Variants in FAM120AOS observed in about 807,000 individuals in gnomAD.
The protein encoded by FAM120AOS is uncharacterized protein FAM120AOS.
In FAM120AOS, 15 loss-of-function variants were observed where a neutral mutation model predicts 20.2. That is an observed-to-expected ratio of 0.74 (90% CI 0.50 to 1.15). FAM120AOS has a LOEUF of 1.15. Among genes scored for constraint, FAM120AOS ranks in the 50% most tolerant of loss-of-function variants. The pLI is 0.00. For missense variants in FAM120AOS, 327 were observed against 351.9 expected (o/e 0.93, Z 0.57); for synonymous variants, 154 against 154.0 (o/e 1.00, Z 0.00).
Position 93,447,322 on chromosome 9 carries a change from G to A in FAM120AOS, c.*289C>T. The A allele has an allele frequency of 6.4e-6, 2 of 311,282 alleles. No individual in the cohort carries two copies. Among genetic ancestry groups the A allele is most frequent in the East Asian group, 5.6e-5 (1 of 17,960 alleles). 19.3% of individuals were successfully genotyped at this position (311,282 alleles called of 1,614,324 possible). Reference sequence around the variant, plus strand: ...TTCATCTCCATATCCCCAGTAGCTGGCCAATGCCCAGTATACACCAGGGGC... The same window carrying A: ...TTCATCTCCATATCCCCAGTAGCTGACCAATGCCCAGTATACACCAGGGGC... On this transcript the variant is annotated 3_prime_UTR_variant, in exon 3 of 3. Coordinates refer to ENST00000375412, the MANE Select transcript of FAM120AOS (RefSeq NM_198841.4).
intron 1 of FAM120AOS, chr9:93,450,913 G>A (rs746228514): frequency 3.4e-5 from 37 of 1,104,182 alleles, no homozygotes; most frequent in Admixed American, 2.0e-5. Context: ...ATTGCGCAGT[G>A]GTAACGCAGG....
chr9:93,444,685 G>A lies in FAM120AOS; in HGVS notation c.*2926C>T, dbSNP rs1856791391. On this transcript the variant is annotated 3_prime_UTR_variant, in exon 3 of 3. Transcript: ENST00000375412. ...GCTGGAGTGCAATGGTGCGATCTCG[G>A]CTCACCGCAACCTCCGCCTCCCAGG... Among the ~76,000 whole-genome samples, 1 of 151,708 alleles carries A rather than the reference G, an allele frequency of 6.6e-6. No individual in the cohort carries two copies. The highest frequency in any genetic ancestry group is 1.5e-5 in the Non-Finnish European group (1 of 67,902).
rs1305401405 is a variant in FAM120AOS, at chr9:93,446,144, G to A, written c.*1467C>T. ...GTAACTTTCTTCCTGCCTTCCAGAG[G>A]CACTTTCATTCTTCCTGGAGCTCTC... On this transcript the variant is annotated 3_prime_UTR_variant, in exon 3 of 3. Coordinates refer to ENST00000375412, the MANE Select transcript of FAM120AOS (RefSeq NM_198841.4). 6.6e-6 allele frequency among the ~76,000 whole-genome samples: 1 copy of A among 152,144 alleles called. No homozygotes were observed. Among genetic ancestry groups the A allele is most frequent in the Non-Finnish European group, 1.5e-5 (1 of 68,030 alleles).
At chr9:93,451,602 C>T (rs1439187627) in intron 1 of FAM120AOS, 6 of 982,922 alleles carry the variant, frequency 6.1e-6, no homozygotes, top group Non-Finnish European at 6.0e-6. Flanking sequence ...AGCCGGCGGG[C>T]CTGGGCGGCG....
In FAM120AOS at chr9:93,452,530, C is replaced by T; in HGVS notation, c.180G>A (p.Pro60=). 6.4e-7 allele frequency: 1 copy of T among 1,560,466 alleles called. No homozygotes were observed. The highest frequency in any genetic ancestry group is 1.1e-5 in the South Asian group (1 of 88,202). ...HPRPSILQPG[P]ARLSRARAGG... The stretch of plus-strand genomic sequence containing the variant: ...CAGCCCTTGCCCGGGATAGCCTGGC[C>T]GGGCCGGGCTGCAAGATGGATGGCC... Residue 60 remains proline (P), a synonymous_variant, in exon 1 of 3, where the codon CCG becomes CCA. Coordinates refer to ENST00000375412, the MANE Select transcript of FAM120AOS (RefSeq NM_198841.4). This position sits in a 1 kb window ranked among gnomAD's most constrained non-coding sequence, Gnocchi z 7.0.
chr9:93,450,206 C>A (rs1436752720), intron 2 of FAM120AOS, among the ~76,000 whole-genome samples: 1 of 151,858 alleles, frequency 6.6e-6, no homozygotes, highest in Non-Finnish European at 1.5e-5. Context: ...CCAGGCTGGT[C>A]TCGAACTCCT....
rs1054435559 is a variant in FAM120AOS at position 93,452,926 on chromosome 9, G to A, written c.-217C>T. 1.4e-6 allele frequency: 2 copies of A among 1,421,822 alleles called. No homozygotes were observed. Among genetic ancestry groups the A allele is most frequent in the African/African-American group, 1.4e-5 (1 of 69,202 alleles). 88.1% of individuals were successfully genotyped at this position (1,421,822 alleles called of 1,614,324 possible). The stretch of plus-strand genomic sequence containing the variant: ...TGTTAGCCCGGTGACAGCGAGACGT[G>A]TCTAAGGGCCAGTGCCCTGGCCTCT... On this transcript the variant is annotated 5_prime_UTR_variant, in exon 1 of 3. Coordinates refer to ENST00000375412, the MANE Select transcript of FAM120AOS (RefSeq NM_198841.4). This position sits in a 1 kb window ranked among gnomAD's most constrained non-coding sequence, Gnocchi z 7.0.
chr9:93,450,519 T>A lies in FAM120AOS; in HGVS notation c.644A>T (p.His215Leu). 13 of 1,599,948 alleles carry A rather than the reference T, an allele frequency of 8.1e-6. No individual in the cohort carries two copies. Among genetic ancestry groups the A allele is most frequent in the Non-Finnish European group, 1.0e-5 (12 of 1,173,782 alleles). Residue 215 changes from histidine to leucine, a missense_variant, in exon 2 of 3, where the codon CAC becomes CTC. Transcript: ENST00000375412. ...LLPSTWSLHA[H>L]GLAKEAPILP... is the part of the protein sequence containing the mutation. ...TATGGGGGCTTCTTTGGCCAAACCG[T>A]GCGCGTGCAGGCTCCATGTGCTGGG...
chr9:93,450,401 CATTTA>C, intron 2 of FAM120AOS, 73 bp downstream of exon 2: 1 of 1,494,314 alleles, frequency 6.7e-7, no homozygotes, highest in Non-Finnish European at 8.9e-7. Context: ...ATACCAGCAG[CATTTA>C]ATTTATGTAC....
intron 1 of FAM120AOS, chr9:93,451,665 C>CCCTCAG: frequency 9.2e-6 from 9 of 981,898 alleles, no homozygotes; most frequent in African/African-American, 1.8e-5. Context: ...CCCGCCCCGG[C>CCCTCAG]CCTCAGCCTC....
intron 2 of FAM120AOS, chr9:93,448,454 T>C (rs767541287): frequency 7.9e-5 from 18 of 226,686 alleles, no homozygotes; most frequent in Non-Finnish European, 5.6e-5. Context: ...GAACACATCA[T>C]TGTACTCCAG....
At chr9:93,451,192 C>G in intron 1 of FAM120AOS, 1 of 1,548,866 alleles carries the variant, frequency 6.5e-7, no homozygotes, top group Admixed American at 2.0e-5. Context: ...GTGTGGGCAG[C>G]AGGCCCAGAG....
At position 93,444,413 on chromosome 9, in the gene FAM120AOS, C is replaced by T. The variant is rs1203538082; in HGVS notation, c.*3198G>A. Among the ~76,000 whole-genome samples the T allele has an allele frequency of 1.3e-5, 2 of 152,174 alleles. No individual in the cohort carries two copies. The highest frequency in any genetic ancestry group is 2.9e-5 in the Non-Finnish European group (2 of 68,032). ...AAGGAAAAAAGCAAGGGATTATAGC[C>T]ACACTTTCTAGCTTGCCGGGCCCCC... On this transcript the variant is annotated 3_prime_UTR_variant, in exon 3 of 3. Transcript: ENST00000375412.
Position 93,452,940 on chromosome 9 carries a change from G to T in FAM120AOS, c.-231C>A. 7.1e-7 allele frequency: 1 copy of T among 1,402,408 alleles called. No individual in the cohort carries two copies. The highest frequency in any genetic ancestry group is 2.7e-5 in the East Asian group (1 of 36,756). 86.9% of individuals were successfully genotyped at this position (1,402,408 alleles called of 1,614,324 possible). ...CAGCGAGACGTGTCTAAGGGCCAGTGCCCTGGCCTCTACTTCAGAACGCAG... is the reference window on the plus strand; with the variant it reads ...CAGCGAGACGTGTCTAAGGGCCAGTTCCCTGGCCTCTACTTCAGAACGCAG... On this transcript the variant is annotated 5_prime_UTR_variant, in exon 1 of 3. Coordinates refer to ENST00000375412, the MANE Select transcript of FAM120AOS (RefSeq NM_198841.4). This position sits in a 1 kb window ranked among gnomAD's most constrained non-coding sequence, Gnocchi z 7.0.
At position 93,447,631 on chromosome 9, in the gene FAM120AOS, A is replaced by G. The variant is rs766581569; in HGVS notation, c.751T>C (p.Ser251Pro). The change falls in exon 3 of 3, where the codon TCA becomes CCA. Residue 251 changes from serine to proline, a missense_variant. Transcript: ENST00000375412. ...GTTTTTCAAATTGGACTCAAGAATG[A>G]TCTTAGTGTTGGTGGTTTTGTGGTT... ...KKTTKPPTLRSFLSPI is the reference protein window; with the variant it reads ...KKTTKPPTLRPFLSPI 6.2e-7 allele frequency: 1 copy of G among 1,613,828 alleles called. No individual in the cohort carries two copies. The highest frequency in any genetic ancestry group is 1.1e-5 in the South Asian group (1 of 91,072).
chr9:93,453,597 G>T, upstream of FAM120AOS: 1 of 985,404 alleles, frequency 1.0e-6, no homozygotes, highest in Non-Finnish European at 1.2e-6. Flanking sequence ...GATAGCGGAA[G>T]TCCCACCCAC....
At chr9:93,450,412 T>G in intron 2 of FAM120AOS, 67 bp downstream of exon 2, 1 of 1,507,330 alleles carries the variant, frequency 6.6e-7, no homozygotes, top group Non-Finnish European at 8.9e-7. Flanking sequence ...ATTTAATTTA[T>G]GTACGTATGA....
At position 93,447,306 on chromosome 9, in the gene FAM120AOS, A is replaced by G. The variant is rs372276687; in HGVS notation, c.*305T>C. 18 of 286,960 alleles carry G rather than the reference A, an allele frequency of 6.3e-5. No homozygotes were observed. Among genetic ancestry groups the G allele is most frequent in the African/African-American group, 3.4e-4 (16 of 47,162 alleles). The allele number at this position is 286,960 out of a possible 1,614,324, so 17.8% of individuals were successfully genotyped here. A position where few individuals can be genotyped will look rare whatever the true frequency, so the allele number is the denominator to read the frequency against. ...GAAGGGTTATGTTTTCTTCATCTCC[A>G]TATCCCCAGTAGCTGGCCAATGCCC... On this transcript the variant is annotated 3_prime_UTR_variant, in exon 3 of 3. Transcript: ENST00000375412.
chr9:93,450,463 G>GA lies in FAM120AOS; in HGVS notation c.684+15dup. ...GAGGTGGGTATCAGAAAAGAAAGCAGAAAAATCCAACTTGCCTTTTTCACC... is the reference window on the plus strand; with the variant it reads ...GAGGTGGGTATCAGAAAAGAAAGCAGAAAAAATCCAACTTGCCTTTTTCACC... On this transcript the variant is annotated intron_variant, in intron 2 of 2. Transcript: ENST00000375412. 6.4e-7 allele frequency: 1 copy of GA among 1,550,708 alleles called. No individual in the cohort carries two copies. The highest frequency in any genetic ancestry group is 8.7e-7 in the Non-Finnish European group (1 of 1,151,424).
Sources: gnomAD v4.1 joint callset for allele counts (sites outside exome capture counted in the v4.1 genomes callset) on GRCh38, gnomAD v4.1.1 for gene constraint, Gnocchi (gnomAD v3.1) non-coding constraint, MANE v1.5 for transcripts, NCBI Gene and HGNC (gene_info 2026-07-23, HGNC 2026-07-21) for gene names.